The following PRMT9 variants were observed in gnomAD, a reference collection of about 807,000 sequenced individuals.
The protein encoded by PRMT9 is protein arginine methyltransferase 9, also known as protein arginine N-methyltransferase 9.
In PRMT9, 59 loss-of-function variants were observed where a neutral mutation model predicts 83.2. That is an observed-to-expected ratio of 0.71 (90% CI 0.57 to 0.88). The LOEUF is 0.88. PRMT9 is among the 40% of genes least tolerant of loss of function. The pLI is 0.00. For missense variants in PRMT9, 947 were observed against 1,021.9 expected, an observed-to-expected ratio of 0.93 and a Z score of 1.00; for synonymous variants, 333 against 353.2, an observed-to-expected ratio of 0.94 and a Z score of 0.64.
chr4:147,656,588 C>T (rs1035674874), intron 8 of PRMT9, among the ~76,000 whole-genome samples: 63 of 151,802 alleles, frequency 4.2e-4, no homozygotes, highest in African/African-American at 1.4e-3. Context: ...CTGGCTAACA[C>T]AGTGAAACCA....
At chr4:147,656,663 T>C (rs1734508779) in intron 8 of PRMT9, among the ~76,000 whole-genome samples, 1 of 145,378 alleles carries the variant, frequency 6.9e-6, no homozygotes, top group Non-Finnish European at 1.5e-5. Flanking sequence ...TCCCATATAC[T>C]CAAGAGACTG....
chr4:147,683,387 G>A (rs969027679), intron 1 of PRMT9, among the ~76,000 whole-genome samples: 2 of 152,186 alleles, frequency 1.3e-5, no homozygotes, highest in Non-Finnish European at 2.9e-5. Context: ...GCAGGAGAGA[G>A]CTCAGTTGAG....
Position 147,653,950 on chromosome 4 carries a change from C to G in PRMT9, c.1947G>C (p.Arg649Ser). 6.2e-7 allele frequency: 1 copy of G among 1,614,152 alleles called. No individual in the cohort carries two copies. The part of the protein sequence containing the change: ...HVEDESAMLQ[R>S]PKSDKLWSII... The stretch of plus-strand genomic sequence containing the variant: ...TGCTCCATAACTTGTCTGATTTTGG[C>G]CTTTGTAACATAGCAGATTCATCCT... The change falls in exon 9 of 12, where the codon AGG becomes AGC. Residue 649 changes from arginine (R) to serine (S), a missense_variant. Physicochemically the swap from Arg to Ser is moderately radical, Grantham distance 110. Coordinates refer to ENST00000322396, the MANE Select transcript of PRMT9 (RefSeq NM_138364.4).
rs558371980 is a variant in PRMT9, at chr4:147,674,046, T to C, written c.339-172A>G. Among the ~76,000 whole-genome samples the C allele has an allele frequency of 3.3e-4, 51 of 152,298 alleles. 1 individual carries two copies. The highest frequency in any genetic ancestry group is 1.1e-3 in the African/African-American group (46 of 41,568). On this transcript the variant is annotated intron_variant, in intron 2 of 11. Coordinates refer to ENST00000322396, the MANE Select transcript of PRMT9 (RefSeq NM_138364.4). ...TGTCTGTGAGGACTGCAAGCCTCAG[T>C]ATTTCTTTCTTTTCTGAACCACTAC...
At chr4:147,664,824 A>T (rs907924481) in intron 6 of PRMT9, among the ~76,000 whole-genome samples, 4 of 152,030 alleles carry the variant, frequency 2.6e-5, no homozygotes, top group African/African-American at 9.7e-5. Context: ...TAAATTTTTT[A>T]AAAAAACAGG....
intron 6 of PRMT9, among the ~76,000 whole-genome samples, chr4:147,666,352 T>C (rs1325464513): frequency 6.6e-6 from 1 of 152,204 alleles, no homozygotes; most frequent in African/African-American, 2.4e-5. Context: ...TTGGAAGGTC[T>C]CCATCAAATA....
intron 9 of PRMT9, among the ~76,000 whole-genome samples, chr4:147,643,178 G>A (rs1348183479): frequency 1.3e-5 from 2 of 151,936 alleles, no homozygotes; most frequent in Admixed American, 1.3e-4. Flanking sequence ...GAGGCAGGAG[G>A]ACTGCTTGAA....
At chr4:147,655,803 A>ACAGG (rs1734446730) in intron 8 of PRMT9, among the ~76,000 whole-genome samples, 1 of 152,206 alleles carries the variant, frequency 6.6e-6, no homozygotes, top group Admixed American at 6.5e-5. Context: ...TGCTAGGATT[A>ACAGG]CAGGCATAAG....
chr4:147,640,757 T>C lies in PRMT9; in HGVS notation c.2200-1675A>G, dbSNP rs551015671. On this transcript the variant is annotated intron_variant, in intron 10 of 11. Coordinates refer to ENST00000322396, the MANE Select transcript of PRMT9 (RefSeq NM_138364.4). ...TTTTTAGAGACAGGGTCAGTCTTGCTGTTGCCCAGACTGCAGTGCAGTGGC... is the reference window on the plus strand; with the variant it reads ...TTTTTAGAGACAGGGTCAGTCTTGCCGTTGCCCAGACTGCAGTGCAGTGGC... Among the ~76,000 whole-genome samples the C allele has an allele frequency of 5.3e-5, 8 of 152,372 alleles. No individual in the cohort carries two copies. The South Asian group carries it at 1.7e-3, about 32-fold the overall frequency.
At chr4:147,649,409 G>T (rs1733948920) in intron 9 of PRMT9, among the ~76,000 whole-genome samples, 1 of 152,110 alleles carries the variant, frequency 6.6e-6, no homozygotes, top group Admixed American at 6.5e-5. Context: ...CCATAGCCAT[G>T]GTTTTTTAAA....
intron 1 of PRMT9, among the ~76,000 whole-genome samples, chr4:147,682,496 G>A (rs1736551533): frequency 6.6e-6 from 1 of 151,622 alleles, no homozygotes; most frequent in African/African-American, 2.4e-5. Flanking sequence ...ATTTTTAGTA[G>A]AGACAGGTTT....
At chr4:147,683,726 T>A in intron 1 of PRMT9, 73 bp downstream of exon 1, 1 of 1,331,634 alleles carries the variant, frequency 7.5e-7, no homozygotes, top group Non-Finnish European at 1.0e-6. Flanking sequence ...TCCGCTTTTT[T>A]TTTTTTCTGT....
chr4:147,683,777 A>T (rs770375407), intron 1 of PRMT9, 22 bp downstream of exon 1: 25 of 1,560,280 alleles, frequency 1.6e-5, no homozygotes, highest in South Asian at 5.5e-5. Context: ...TCTGCCAGCA[A>T]GTGAGAAAAA....
chr4:147,673,657 C>T lies in PRMT9; in HGVS notation c.556G>A (p.Ala186Thr), dbSNP rs1335434111. The change falls in exon 3 of 12, where the codon GCA becomes ACA. Residue 186 changes from alanine to threonine, a missense_variant. Physicochemically the swap from Ala to Thr is moderately conservative, Grantham distance 58 (BLOSUM62 0). Transcript: ENST00000322396. ...LGSKSVLDIGAGTGILSMFAK... is the reference protein window; with the variant it reads ...LGSKSVLDIGTGTGILSMFAK... ...ACCAACCTTAGTATTCCAGTTCCTG[C>T]TCCAATGTCCAAAACACTTTTGGAC... 2.5e-6 allele frequency: 4 copies of T among 1,609,060 alleles called. No individual in the cohort carries two copies. Among genetic ancestry groups the T allele is most frequent in the Non-Finnish European group, 3.4e-6 (4 of 1,175,584 alleles).
chr4:147,680,549 C>T (rs1413610409), intron 1 of PRMT9, 78 bp from the exon 2 acceptor site: 9 of 1,123,184 alleles, frequency 8.0e-6, no homozygotes, highest in Admixed American at 6.0e-5. Context: ...GTTGAAGATT[C>T]CAAGCAATCG....
intron 5 of PRMT9, among the ~76,000 whole-genome samples, 176 bp downstream of exon 5, chr4:147,670,465 C>A (rs1735653270): frequency 6.6e-6 from 1 of 152,182 alleles, no homozygotes; most frequent in African/African-American, 2.4e-5. Context: ...AGGCATGAGC[C>A]ACTGCACCCG....
intron 9 of PRMT9, among the ~76,000 whole-genome samples, chr4:147,651,878 A>G (rs1398755622): frequency 1.3e-5 from 2 of 152,222 alleles, no homozygotes; most frequent in African/African-American, 2.4e-5. Flanking sequence ...TTACAATATG[A>G]AAGAGCTCTG....
intron 4 of PRMT9, chr4:147,672,094 G>A: frequency 3.1e-6 from 1 of 323,790 alleles, no homozygotes; most frequent in South Asian, 2.5e-5. Context: ...CAAGACAACT[G>A]AGGACAGTGT....
intron 1 of PRMT9, 79 bp downstream of exon 1, chr4:147,683,720 C>CG: frequency 2.0e-4 from 207 of 1,049,810 alleles, no homozygotes; most frequent in East Asian, 7.9e-4. Context: ...AGCCCCTCCG[C>CG]TTTTTTTTTT....
Sources: gnomAD v4.1 joint callset for allele counts (sites outside exome capture counted in the v4.1 genomes callset) on GRCh38, gnomAD v4.1.1 for gene constraint, MANE v1.5 for transcripts, NCBI Gene and HGNC (gene_info 2026-07-23, HGNC 2026-07-21) for gene names.